Variants in LRFN3 observed in about 807,000 individuals in gnomAD.
LRFN3 encodes leucine rich repeat and fibronectin type III domain containing 3.
Under a neutral mutation model 23.8 loss-of-function variants are expected in LRFN3, and 8 were observed. The ratio of observed to expected loss-of-function variants is 0.34; its 90% CI spans 0.20 to 0.61. The LOEUF is 0.61. Ranked by LOEUF, LRFN3 falls within the 20% of genes least tolerant of loss-of-function variation. The pLI is 0.80. For synonymous variants in LRFN3, 451 were observed against 450.6 expected (o/e 1.00, Z -0.01); for missense variants, 736 against 935.3 (o/e 0.79, Z 2.78).
Position 35,937,077 on chromosome 19 carries a change from C to CTT in LRFN3, c.-494_-493insTT, listed in dbSNP as rs1976065836. The CTT allele has an allele frequency of 1.3e-5, 2 of 152,078 alleles. No homozygotes were observed. Among genetic ancestry groups the CTT allele is most frequent in the Non-Finnish European group, 2.9e-5 (2 of 68,006 alleles). The allele number at this position is 152,078 out of a possible 1,614,324, so 9.4% of individuals were successfully genotyped here. A position where few individuals can be genotyped will look rare whatever the true frequency, so the allele number is the denominator to read the frequency against. On this transcript the variant is annotated 5_prime_UTR_variant, in exon 1 of 3. Coordinates refer to ENST00000246529, the MANE Select transcript of LRFN3 (RefSeq NM_024509.2). ...GAACCCACTCTTGGGGACCTGAACC[C>CTT]TGGGATTCAGGCCTCAAATTCCAAG... is the stretch of plus-strand genomic sequence containing the variant.
At chr19:35,938,628 G>T (rs912186664) in intron 1 of LRFN3, among the ~76,000 whole-genome samples, 5 of 152,024 alleles carry the variant, frequency 3.3e-5, no homozygotes, top group Non-Finnish European at 7.4e-5. Context: ...GCTGTCCTGG[G>T]CTCCCACTGA....
At chr19:35,938,180 C>T (rs534344502) in intron 1 of LRFN3, among the ~76,000 whole-genome samples, 1 of 152,216 alleles carries the variant, frequency 6.6e-6, no homozygotes, top group South Asian at 2.1e-4. Flanking sequence ...CTCTGGCCAC[C>T]TTTCCCTTTC....
intron 2 of LRFN3, among the ~76,000 whole-genome samples, 199 bp downstream of exon 2, chr19:35,941,039 T>A (rs1309891673): frequency 6.6e-6 from 1 of 152,204 alleles, no homozygotes; most frequent in African/African-American, 2.4e-5. Context: ...CAATGAAATC[T>A]GACAGCAGTG....
Position 35,944,462 on chromosome 19 carries a change from T to A in LRFN3, c.1416-86T>A. On this transcript the variant is annotated intron_variant, in intron 2 of 2. Transcript: ENST00000246529. The surrounding 1 kb of genome is among the most constrained non-coding windows in gnomAD (Gnocchi z 4.5). ...AATGAAGGAGTGGACTGGTGGGAAG[T>A]CTAGCCCCGCAGGGAGTTTGGTGGG... 1.1e-6 allele frequency: 1 copy of A among 883,334 alleles called. No homozygotes were observed. The highest frequency in any genetic ancestry group is 1.6e-6 in the Non-Finnish European group (1 of 625,216). The allele number at this position is 883,334 out of a possible 1,614,324, so 54.7% of individuals were successfully genotyped here. A position where few individuals can be genotyped will look rare whatever the true frequency, so the allele number is the denominator to read the frequency against.
In LRFN3 at chr19:35,939,513, C is replaced by CGCCGCT; in HGVS notation, c.98_103dup (p.Arg33_Cys34dup). 6.2e-7 allele frequency: 1 copy of CGCCGCT among 1,607,316 alleles called. No homozygotes were observed. The highest frequency in any genetic ancestry group is 8.5e-7 in the Non-Finnish European group (1 of 1,179,248). ...GTCAGCCACACCCAGCCCATGTCCC[C>CGCCGCT]GCCGCTGCCGCTGCCAGACACAGTC... On this transcript the variant is annotated inframe_insertion, in exon 2 of 3. Transcript: ENST00000246529. The surrounding 1 kb of genome is among the most constrained non-coding windows in gnomAD (Gnocchi z 6.4).
intron 2 of LRFN3, among the ~76,000 whole-genome samples, chr19:35,943,502 G>T (rs1163990764): frequency 1.3e-5 from 2 of 152,154 alleles, no homozygotes; most frequent in African/African-American, 2.4e-5. Context: ...GGCAACAGGG[G>T]TACAGGGAGA....
rs1302984170 is a variant in LRFN3 at position 35,940,610 on chromosome 19, C to T, written c.1185C>T (p.Thr395=). The part of the protein sequence containing the change: ...PPPPPQLANS[T]SCDPPRDGDP... ...CACCTCCTCAGCTAGCCAACAGCAC[C>T]AGCTGTGACCCCCCGCGGGACGGGG... Residue 395 remains threonine, a synonymous_variant, in exon 2 of 3, where the codon ACC becomes ACT. Transcript: ENST00000246529. 1 of 1,610,592 alleles carries T rather than the reference C, an allele frequency of 6.2e-7. No homozygotes were observed. Among genetic ancestry groups the T allele is most frequent in the Non-Finnish European group, 8.5e-7 (1 of 1,177,696 alleles).
chr19:35,937,574 C>T lies in LRFN3; in HGVS notation c.-17+19C>T, dbSNP rs772669252. On this transcript the variant is annotated intron_variant, in intron 1 of 2. Transcript: ENST00000246529. ...AGCTCAGGTAAGGCTGCTGAAACCT[C>T]AAGGTGGGGACGGGCTGGGAGGAGC... 2.6e-5 allele frequency: 4 copies of T among 152,938 alleles called. No individual in the cohort carries two copies. Among genetic ancestry groups the T allele is most frequent in the Non-Finnish European group, 5.9e-5 (4 of 68,310 alleles). The allele number at this position is 152,938 out of a possible 1,614,324, so 9.5% of individuals were successfully genotyped here. A position where few individuals can be genotyped will look rare whatever the true frequency, so the allele number is the denominator to read the frequency against.
Position 35,945,046 on chromosome 19 carries a change from T to G in LRFN3, c.*27T>G. 7.8e-7 allele frequency: 1 copy of G among 1,280,944 alleles called. No homozygotes were observed. Among genetic ancestry groups the G allele is most frequent in the East Asian group, 3.0e-5 (1 of 33,252 alleles). The allele number at this position is 1,280,944 out of a possible 1,614,324, so 79.3% of individuals were successfully genotyped here. A position where few individuals can be genotyped will look rare whatever the true frequency, so the allele number is the denominator to read the frequency against. On this transcript the variant is annotated 3_prime_UTR_variant, in exon 3 of 3. Coordinates refer to ENST00000246529, the MANE Select transcript of LRFN3 (RefSeq NM_024509.2). ...CAGGCGCCCCCCCCTCTAAGGGTCC[T>G]CTGGCCCCACGGACAGCAGGACCCG...
intron 1 of LRFN3, among the ~76,000 whole-genome samples, chr19:35,937,997 C>T (rs1374439768): frequency 6.6e-6 from 1 of 152,162 alleles, no homozygotes; most frequent in Admixed American, 6.5e-5. Flanking sequence ...CAGTGACCAT[C>T]GCTGACATCT....
At chr19:35,943,368 C>G (rs1335617130) in intron 2 of LRFN3, among the ~76,000 whole-genome samples, 1 of 152,104 alleles carries the variant, frequency 6.6e-6, no homozygotes, top group Non-Finnish European at 1.5e-5. Context: ...GTGACGGAGG[C>G]ACATTAGTTT....
chr19:35,939,919 A>G lies in LRFN3; in HGVS notation c.494A>G (p.Tyr165Cys), dbSNP rs1224722859. The G allele has an allele frequency of 1.2e-6, 2 of 1,604,294 alleles. No individual in the cohort carries two copies. The highest frequency in any genetic ancestry group is 1.7e-5 in the Admixed American group (1 of 59,982). ...ACACTGGAGGACCTCGACCTCTCCTACAACAACCTCGAGCAGCTGCCCTGG... is the reference window on the plus strand; with the variant it reads ...ACACTGGAGGACCTCGACCTCTCCTGCAACAACCTCGAGCAGCTGCCCTGG... ...AETLEDLDLS[Y>C]NNLEQLPWEA... The change falls in exon 2 of 3, where the codon TAC (tyrosine) becomes TGC (cysteine). Residue 165 changes from tyrosine to cysteine, a missense_variant. Around this residue, in one of 2 missense-constraint regions of LRFN3, gnomAD observed 446 missense variants for 647.9 expected, o/e 0.69. Transcript: ENST00000246529. The surrounding 1 kb of genome is among the most constrained non-coding windows in gnomAD (Gnocchi z 6.4).
chr19:35,945,690 T>C lies in LRFN3; in HGVS notation c.*671T>C, dbSNP rs1976171552. 2 of 152,498 alleles carry C rather than the reference T, an allele frequency of 1.3e-5. No individual in the cohort carries two copies. Among genetic ancestry groups the C allele is most frequent in the African/African-American group, 4.8e-5 (2 of 41,400 alleles). The allele number at this position is 152,498 out of a possible 1,614,324, so 9.4% of individuals were successfully genotyped here. On this transcript the variant is annotated 3_prime_UTR_variant, in exon 3 of 3. Coordinates refer to ENST00000246529, the MANE Select transcript of LRFN3 (RefSeq NM_024509.2). Reference sequence around the variant, plus strand: ...GGGCACAGCACAAGCAAGGTGGTGGTGTGCCCTGGGCACTGGGGGTGCTAT... The same window carrying C: ...GGGCACAGCACAAGCAAGGTGGTGGCGTGCCCTGGGCACTGGGGGTGCTAT...
chr19:35,943,312 CAG>C (rs778933304), intron 2 of LRFN3, among the ~76,000 whole-genome samples: 17 of 152,060 alleles, frequency 1.1e-4, no homozygotes, highest in Non-Finnish European at 1.8e-4. Context: ...AAGCAGGTGA[CAG>C]AGCCGGAAAG....
In LRFN3 at chr19:35,936,849, C is replaced by A. The variant is rs949792165; in HGVS notation, c.-723C>A. ...AACCCCAAGATCTGGAGCCTGAACC[C>A]CAGTATATGGGGCTGGAATCTCAAC... On this transcript the variant is annotated 5_prime_UTR_variant, in exon 1 of 3. Coordinates refer to ENST00000246529, the MANE Select transcript of LRFN3 (RefSeq NM_024509.2). 1 of 152,182 alleles carries A rather than the reference C, an allele frequency of 6.6e-6. No individual in the cohort carries two copies. Among genetic ancestry groups the A allele is most frequent in the Admixed American group, 6.5e-5 (1 of 15,280 alleles). The allele number at this position is 152,182 out of a possible 1,614,324, so 9.4% of individuals were successfully genotyped here. A position where few individuals can be genotyped will look rare whatever the true frequency, so the allele number is the denominator to read the frequency against.
At position 35,944,695 on chromosome 19, in the gene LRFN3, A is replaced by C; in HGVS notation, c.1563A>C (p.Glu521Asp). 2 of 1,603,846 alleles carry C rather than the reference A, an allele frequency of 1.2e-6. No homozygotes were observed. Among genetic ancestry groups the C allele is most frequent in the Non-Finnish European group, 1.7e-6 (2 of 1,176,696 alleles). ...RPVGCARFSTEPALRPCGAPH... is the reference protein window; with the variant it reads ...RPVGCARFSTDPALRPCGAPH... ...TGGGCTGCGCCCGCTTCTCCACCGAACCTGCGCTGCGGCCATGCGGGGCGC... is the reference window on the plus strand; with the variant it reads ...TGGGCTGCGCCCGCTTCTCCACCGACCCTGCGCTGCGGCCATGCGGGGCGC... The change falls in exon 3 of 3, where the codon GAA (glutamate) becomes GAC (aspartate). Residue 521 changes from glutamate to aspartate, a missense_variant. Physicochemically the swap from Glu to Asp is conservative, Grantham distance 45 (BLOSUM62 2). Around this residue, in one of 2 missense-constraint regions of LRFN3, gnomAD observed 290 missense variants for 287.4 expected, o/e 1.01. Transcript: ENST00000246529. The surrounding 1 kb of genome is among the most constrained non-coding windows in gnomAD (Gnocchi z 4.5).
rs751123711 is a variant in LRFN3, at chr19:35,944,571, C to T, written c.1439C>T (p.Ser480Leu). 7 of 1,473,726 alleles carry T rather than the reference C, an allele frequency of 4.7e-6. No homozygotes were observed. The highest frequency in any genetic ancestry group is 1.4e-5 in the African/African-American group (1 of 69,506). 91.3% of individuals were successfully genotyped at this position (1,473,726 alleles called of 1,614,324 possible). A position where few individuals can be genotyped will look rare whatever the true frequency, so the allele number is the denominator to read the frequency against. The change falls in exon 3 of 3, where the codon TCG (serine) becomes TTG (leucine). Residue 480 changes from serine to leucine, a missense_variant. By Grantham distance (145) the Ser-to-Leu change is moderately radical. Around this residue, in one of 2 missense-constraint regions of LRFN3, gnomAD observed 290 missense variants for 287.4 expected, o/e 1.01. Transcript: ENST00000246529. This position sits in a 1 kb window ranked among gnomAD's most constrained non-coding sequence, Gnocchi z 4.5. ...VYRMIPAESR[S>L]FLLTDLASGR... ...AGGATGATCCCGGCGGAGAGCCGCT[C>T]GTTCCTGCTGACGGACCTGGCGTCA...
intron 2 of LRFN3, among the ~76,000 whole-genome samples, chr19:35,943,092 G>A (rs1012669285): frequency 1.1e-4 from 16 of 151,596 alleles, no homozygotes; most frequent in Non-Finnish European, 1.8e-4. Flanking sequence ...TGGGATGAAT[G>A]CTGTCCTAGA....
rs945008562 is a variant in LRFN3 at position 35,946,179 on chromosome 19, G to A, written c.*1160G>A. On this transcript the variant is annotated 3_prime_UTR_variant, in exon 3 of 3. Transcript: ENST00000246529. ...GTGTAGGGGGCCCTGAGGATGTCCA[G>A]GATGTGGCATTCAGGAGGGTGCAGG... Among the ~76,000 whole-genome samples the A allele has an allele frequency of 6.6e-6, 1 of 151,978 alleles. No individual in the cohort carries two copies. Among genetic ancestry groups the A allele is most frequent in the African/African-American group, 2.4e-5 (1 of 41,336 alleles).
Sources: allele counts gnomAD v4.1 joint callset (sites outside exome capture counted in the v4.1 genomes callset), GRCh38; gene constraint gnomAD v4.1.1; regional missense constraint gnomAD v4.1.1; non-coding constraint Gnocchi (gnomAD v3.1); transcripts MANE v1.5; gene names NCBI Gene and HGNC (gene_info 2026-07-23, HGNC 2026-07-21).